ARPC1B: variants seen among roughly 807,000 people sequenced by gnomAD.
ARPC1B encodes actin related protein 2/3 complex subunit 1B.
A neutral mutation model predicts 46.0 loss-of-function variants in ARPC1B; 29 were observed. That is an observed-to-expected ratio of 0.63 (90% CI 0.47 to 0.86). The LOEUF is 0.86. ARPC1B is among the 40% of genes least tolerant of loss of function. The pLI, the probability that ARPC1B is intolerant of heterozygous loss-of-function variation, is 0.00. For synonymous variants in ARPC1B, 201 were observed against 213.9 expected, an observed-to-expected ratio of 0.94 and a Z score of 0.53; for missense variants, 469 against 529.4, an observed-to-expected ratio of 0.89 and a Z score of 1.12.
At chr7:99,378,638 G>A (rs1298721650) in intron 1 of ARPC1B, among the ~76,000 whole-genome samples, 1 of 151,336 alleles carries the variant, frequency 6.6e-6, no homozygotes, top group Admixed American at 6.6e-5. Flanking sequence ...AGCCGAGAAT[G>A]CACCACTACA....
At chr7:99,381,591 C>T (rs190273277) in intron 1 of ARPC1B, among the ~76,000 whole-genome samples, 180 of 152,212 alleles carry the variant, frequency 1.2e-3, no homozygotes, top group Non-Finnish European at 2.1e-3. Flanking sequence ...GTCCCTGCCC[C>T]GTGCATGTAC....
chr7:99,382,856 T>TTC (rs1304169540), intron 1 of ARPC1B, among the ~76,000 whole-genome samples: 1 of 146,920 alleles, frequency 6.8e-6, no homozygotes, highest in African/African-American at 2.5e-5. Context: ...TTTTTTTTTT[T>TTC]TTTTTTGAGA....
In ARPC1B at chr7:99,386,786, A is replaced by G; in HGVS notation, c.166A>G (p.Thr56Ala). The part of the protein sequence containing the change: ...HELKEHNGQV[T>A]GIDWAPESNR... Reference sequence around the variant, plus strand: ...GCTCAAGGAGCACAACGGGCAGGTGACAGGTATGTCAGGGTGGCTGGGACC... The same window carrying G: ...GCTCAAGGAGCACAACGGGCAGGTGGCAGGTATGTCAGGGTGGCTGGGACC... The change falls in exon 3 of 10, where the codon ACA becomes GCA. Residue 56 changes from threonine to alanine, a missense_variant. Coordinates refer to ENST00000646101, the MANE Select transcript of ARPC1B (RefSeq NM_005720.4). 6.2e-7 allele frequency: 1 copy of G among 1,613,176 alleles called. No individual in the cohort carries two copies. The highest frequency in any genetic ancestry group is 1.3e-5 in the African/African-American group (1 of 74,988).
intron 8 of ARPC1B, 34 bp from the exon 9 acceptor site, chr7:99,393,995 G>A (rs369874544): frequency 2.5e-6 from 4 of 1,608,200 alleles, no homozygotes; most frequent in Non-Finnish European, 3.4e-6. Context: ...CGCCAGCACA[G>A]GTTGAATTCA....
At position 99,385,742 on chromosome 7, in the gene ARPC1B, C is replaced by T. The variant is rs1417332711; in HGVS notation, c.28C>T (p.Pro10Ser). 1.9e-6 allele frequency: 3 copies of T among 1,611,188 alleles called. No homozygotes were observed. The African/African-American group carries it at 4.0e-5, about 21-fold the overall frequency. Residue 10 changes from proline (P) to serine (S), a missense_variant, in exon 2 of 10, where the codon CCC becomes TCC. Pro to Ser is a moderately conservative substitution (Grantham distance 74, BLOSUM62 -1). Coordinates refer to ENST00000646101, the MANE Select transcript of ARPC1B (RefSeq NM_005720.4). ...GGCCTACCACAGCTTCCTGGTGGAG[C>T]CCATCAGCTGCCACGCCTGGAACAA... MAYHSFLVE[P>S]ISCHAWNKDR... is the part of the protein sequence containing the mutation.
chr7:99,388,152 A>G lies in ARPC1B; in HGVS notation c.283A>G (p.Ile95Val), dbSNP rs1794454206. Reference protein sequence around the residue: ...TWKPTLVILRINRAARCVRWA... With the variant: ...TWKPTLVILRVNRAARCVRWA... The stretch of plus-strand genomic sequence containing the variant: ...GAAGCCCACGCTGGTCATCCTGCGG[A>G]TCAACCGGGCTGCCCGCTGCGTGCG... Residue 95 changes from isoleucine (I) to valine (V), a missense_variant, in exon 4 of 10, where the codon ATC becomes GTC. Ile to Val is a conservative substitution (Grantham distance 29). Coordinates refer to ENST00000646101, the MANE Select transcript of ARPC1B (RefSeq NM_005720.4). 3 of 1,614,162 alleles carry G rather than the reference A, an allele frequency of 1.9e-6. No individual in the cohort carries two copies. Among genetic ancestry groups the G allele is most frequent in the Non-Finnish European group, 2.5e-6 (3 of 1,180,028 alleles).
intron 2 of ARPC1B, chr7:99,386,306 C>A (rs547134429): frequency 2.6e-6 from 1 of 382,942 alleles, no homozygotes; most frequent in East Asian, 6.4e-5. Context: ...AAAAGCCTTT[C>A]GGAGGAGATG....
At chr7:99,378,827 A>G (rs1584398171) in intron 1 of ARPC1B, among the ~76,000 whole-genome samples, 1 of 113,116 alleles carries the variant, frequency 8.8e-6, no homozygotes, top group East Asian at 3.0e-4. Flanking sequence ...TCCAGGCTGG[A>G]GTGCAGTGGC....
chr7:99,389,871 C>T (rs2150895268), intron 4 of ARPC1B, 34 bp from the exon 5 acceptor site: 1 of 1,574,704 alleles, frequency 6.4e-7, no homozygotes, highest in Non-Finnish European at 8.7e-7. Context: ...CCTGCCTGTC[C>T]CTCTCTCCCT....
At chr7:99,385,313 G>C (rs1378928492) in intron 1 of ARPC1B, among the ~76,000 whole-genome samples, 1 of 145,432 alleles carries the variant, frequency 6.9e-6, no homozygotes, top group Non-Finnish European at 1.5e-5. Context: ...GGTGGGGGGG[G>C]GGGGGTCGTC....
chr7:99,391,279 G>C, intron 7 of ARPC1B, 26 bp downstream of exon 7: 4 of 1,609,370 alleles, frequency 2.5e-6, no homozygotes, highest in Non-Finnish European at 8.5e-7. Context: ...GGGAGGGAGG[G>C]TGTGTGGTCA....
At chr7:99,388,533 C>T (rs1024405830) in intron 4 of ARPC1B, 15 of 445,704 alleles carry the variant, frequency 3.4e-5, no homozygotes, top group African/African-American at 1.9e-4. Context: ...CCTGCAGCTC[C>T]GTGGACTGGG....
In ARPC1B at chr7:99,382,828, C is replaced by A. The variant is rs1454737788; in HGVS notation, c.-13-2874C>A. Among the ~76,000 whole-genome samples the A allele has an allele frequency of 6.1e-5, 9 of 147,184 alleles. No individual in the cohort carries two copies. The East Asian group carries it at 1.2e-3, about 20-fold the overall frequency. ...TATTTTTAAGTTATTTTTTCACACA[C>A]ATTCATTCCTAACCTTTTTTTTTTT... On this transcript the variant is annotated intron_variant, in intron 1 of 9. Transcript: ENST00000646101.
chr7:99,386,805 T>C lies in ARPC1B; in HGVS notation c.169+16T>C. On this transcript the variant is annotated intron_variant, in intron 3 of 9. Coordinates refer to ENST00000646101, the MANE Select transcript of ARPC1B (RefSeq NM_005720.4). ...CAGGTGACAGGTATGTCAGGGTGGC[T>C]GGGACCACCGTCCTGAAAGGAGGTG... 2 of 1,598,486 alleles carry C rather than the reference T, an allele frequency of 1.3e-6. No individual in the cohort carries two copies. The highest frequency in any genetic ancestry group is 1.7e-6 in the Non-Finnish European group (2 of 1,167,062).
chr7:99,392,551 T>G, intron 7 of ARPC1B, 120 bp from the exon 8 acceptor site: 1 of 901,310 alleles, frequency 1.1e-6, no homozygotes, highest in South Asian at 1.8e-5. Flanking sequence ...TCCCTCGCTG[T>G]GGCCCGTCTG....
rs1160992688 is a variant in ARPC1B, at chr7:99,394,667, C to G, written c.*178C>G. On this transcript the variant is annotated 3_prime_UTR_variant, in exon 10 of 10. Coordinates refer to ENST00000646101, the MANE Select transcript of ARPC1B (RefSeq NM_005720.4). ...GCTTTTCTTACCTATTCAAGGAATACGTGCCTTTTTCTTAAATGCTTTCAT... is the reference window on the plus strand; with the variant it reads ...GCTTTTCTTACCTATTCAAGGAATAGGTGCCTTTTTCTTAAATGCTTTCAT... 2 of 1,326,928 alleles carry G rather than the reference C, an allele frequency of 1.5e-6. No individual in the cohort carries two copies. Among genetic ancestry groups the G allele is most frequent in the East Asian group, 2.8e-5 (1 of 35,272 alleles). 82.2% of individuals were successfully genotyped at this position (1,326,928 alleles called of 1,614,324 possible).
chr7:99,391,202 A>G lies in ARPC1B; in HGVS notation c.732A>G (p.Thr244=), dbSNP rs1229010880. ...GCGTCGCGACTCTGGCCTCTGAAAC[A>G]CTACCACTGCTGGCGCTGACCTTCA... is the stretch of plus-strand genomic sequence containing the variant. ...KMAVATLASE[T]LPLLALTFIT... The change falls in exon 7 of 10, where the codon ACA becomes ACG. Residue 244 remains threonine (T), a synonymous_variant. Transcript: ENST00000646101. 2.5e-6 allele frequency: 4 copies of G among 1,613,924 alleles called. No individual in the cohort carries two copies. The highest frequency in any genetic ancestry group is 1.7e-5 in the Admixed American group (1 of 60,000).
At chr7:99,386,400 G>T (rs1037127027) in intron 2 of ARPC1B, 10 of 560,220 alleles carry the variant, frequency 1.8e-5, no homozygotes, top group African/African-American at 1.7e-4. Flanking sequence ...AGGTGCAGGG[G>T]CCCTGAGGTG....
intron 1 of ARPC1B, among the ~76,000 whole-genome samples, chr7:99,384,919 T>A (rs1584403701): frequency 7.2e-6 from 1 of 139,158 alleles, no homozygotes; most frequent in Non-Finnish European, 1.5e-5. Flanking sequence ...TCCTGAGTAG[T>A]GGGGATTACA....
Sources: gnomAD v4.1 joint callset for allele counts (sites outside exome capture counted in the v4.1 genomes callset) on GRCh38, gnomAD v4.1.1 for gene constraint, MANE v1.5 for transcripts, NCBI Gene and HGNC (gene_info 2026-07-23, HGNC 2026-07-21) for gene names.